LIG1: variants seen among roughly 807,000 people sequenced by gnomAD.
LIG1 encodes the protein ligase I, DNA, ATP-dependent.
A neutral mutation model predicts 115.7 loss-of-function variants in LIG1; 70 were observed. The observed-to-expected ratio is 0.60, with a 90% CI of 0.50 to 0.74. LIG1 has a LOEUF of 0.74. LIG1 is among the 30% of genes least tolerant of loss of function. The pLI is 0.00. For missense variants in LIG1, 1,115 were observed against 1,225.6 expected (o/e 0.91, Z 1.35); for synonymous variants, 487 against 495.3 (o/e 0.98, Z 0.22).
Position 48,140,138 on chromosome 19 carries a change from C to T in LIG1, c.920G>A (p.Arg307Gln), listed in dbSNP as rs1449664966. 31 of 1,562,340 alleles carry T rather than the reference C, an allele frequency of 2.0e-5. No homozygotes were observed. The highest frequency in any genetic ancestry group is 8.2e-5 in the African/African-American group (6 of 73,316). Residue 307 changes from arginine (R) to glutamine (Q), a missense_variant, in exon 12 of 28, where the codon CGG becomes CAG. Transcript: ENST00000263274. ...CAAGTTGCTCAGCGTCTCCACCATC[C>T]GGAGCCTGGAGGAGGGGACGGGGGT... ...EKIEEVSARL[R>Q]MVETLSNLLR...
intron 25 of LIG1, chr19:48,118,469 T>C (rs2122294476): frequency 6.4e-6 from 1 of 156,666 alleles, no homozygotes; most frequent in South Asian, 1.9e-4. Context: ...CCTTCTGCCA[T>C]GACTGTGAGG....
At chr19:48,125,771 C>T (rs989188864) in intron 21 of LIG1, among the ~76,000 whole-genome samples, 8 of 151,798 alleles carry the variant, frequency 5.3e-5, no homozygotes, top group African/African-American at 1.2e-4. Context: ...GGGCAGATCA[C>T]GATGTCAGGA....
In LIG1 at chr19:48,137,534, G is replaced by A; in HGVS notation, c.1242C>T (p.Leu414=). The A allele has an allele frequency of 6.2e-7, 1 of 1,612,898 alleles. No individual in the cohort carries two copies. The highest frequency in any genetic ancestry group is 1.7e-4 in the Middle Eastern group (1 of 6,038). The change falls in exon 13 of 28, where the codon CTC becomes CTT. Residue 414 remains leucine, a synonymous_variant. Transcript: ENST00000263274. This position sits in a 1 kb window ranked among gnomAD's most constrained non-coding sequence, Gnocchi z 4.3. ...VFSKFRDIAR[L]TGSASTAKKI... ...CCGCCCCACTCACAGCACTGCCAGT[G>A]AGCCTGGCGATGTCGCGGAACTTGC...
At position 48,134,213 on chromosome 19, in the gene LIG1, T is replaced by C. The variant is rs770183904; in HGVS notation, c.1524-147A>G. Reference sequence around the variant, plus strand: ...ACCTGCCAAGCTCCTCTTGCCACCCTGTCTCTGTGCTCTCCCTTCGTGTCA... The same window carrying C: ...ACCTGCCAAGCTCCTCTTGCCACCCCGTCTCTGTGCTCTCCCTTCGTGTCA... On this transcript the variant is annotated intron_variant, in intron 16 of 27. Transcript: ENST00000263274. The C allele has an allele frequency of 5.8e-6, 4 of 689,134 alleles. No individual in the cohort carries two copies. The Admixed American group carries it at 8.9e-5, about 15-fold the overall frequency. The allele number at this position is 689,134 out of a possible 1,614,324, so 42.7% of individuals were successfully genotyped here.
chr19:48,154,350 TG>T, intron 5 of LIG1: 1 of 314,046 alleles, frequency 3.2e-6, no homozygotes, highest in South Asian at 2.9e-5. Flanking sequence ...CTCAGAAGTC[TG>T]GAAGTGGCAG....
At chr19:48,135,304 GTA>G (rs1369506696) in intron 16 of LIG1, among the ~76,000 whole-genome samples, 2 of 152,134 alleles carry the variant, frequency 1.3e-5, no homozygotes, top group Non-Finnish European at 2.9e-5. Flanking sequence ...TGTATTTTTA[GTA>G]GAGACAGGGT....
At chr19:48,121,461 G>T in intron 23 of LIG1, 139 bp from the exon 24 acceptor site, 1 of 809,826 alleles carries the variant, frequency 1.2e-6, no homozygotes, top group Non-Finnish European at 1.8e-6. Context: ...CCCCAAGGAT[G>T]GCCCCTGGGA....
At chr19:48,125,094 C>G (rs1406094239) in intron 21 of LIG1, among the ~76,000 whole-genome samples, 1 of 151,618 alleles carries the variant, frequency 6.6e-6, no homozygotes, top group East Asian at 1.9e-4. Flanking sequence ...ATAGTTCATC[C>G]ATGTTCAACT....
chr19:48,133,378 T>G (rs2034169029), intron 17 of LIG1: 1 of 464,680 alleles, frequency 2.2e-6, no homozygotes, highest in Admixed American at 3.4e-5. Context: ...CTCCCTCCTC[T>G]GCGTCCCTCC....
intron 19 of LIG1, among the ~76,000 whole-genome samples, chr19:48,130,779 T>C (rs773222740): frequency 1.2e-4 from 18 of 152,186 alleles, no homozygotes; most frequent in Non-Finnish European, 1.9e-4. Flanking sequence ...GGGACAAGCA[T>C]TGGCACTAAA....
intron 18 of LIG1, among the ~76,000 whole-genome samples, 167 bp downstream of exon 18, chr19:48,132,815 A>AAAAAAAAAAAC (rs2034122765): frequency 7.0e-6 from 1 of 142,636 alleles, no homozygotes; most frequent in African/African-American, 2.5e-5. Context: ...AAAAAAAAAA[A>AAAAAAAAAAAC]AAGAACACAC....
rs2032742330 is a variant in LIG1, at chr19:48,115,658, A to G, written c.2751T>C (p.Asp917=). ...QGEDSGSDPE[D]TY ...CTAGGAGGGCGAGGGCTTAGTAGGT[A>G]TCTTCAGGGTCAGAGCCTGAGTCCT... Residue 917 remains aspartate (D), a synonymous_variant, in exon 28 of 28, where the codon GAT becomes GAC. Coordinates refer to ENST00000263274, the MANE Select transcript of LIG1 (RefSeq NM_000234.3). 1.9e-6 allele frequency: 3 copies of G among 1,613,258 alleles called. No individual in the cohort carries two copies. The highest frequency in any genetic ancestry group is 2.5e-6 in the Non-Finnish European group (3 of 1,179,182).
At chr19:48,147,841 A>T (rs1476560488) in intron 9 of LIG1, among the ~76,000 whole-genome samples, 2 of 152,060 alleles carry the variant, frequency 1.3e-5, no homozygotes, top group African/African-American at 4.8e-5. Context: ...AAAAATCTGA[A>T]AGTGCTCATT....
Position 48,162,288 on chromosome 19 carries a change from G to A in LIG1, c.81C>T (p.Ser27=), listed in dbSNP as rs1393730969. The A allele has an allele frequency of 2.5e-6, 4 of 1,614,040 alleles. No individual in the cohort carries two copies. The highest frequency in any genetic ancestry group is 3.4e-6 in the Non-Finnish European group (4 of 1,179,936). Residue 27 remains serine (S), a synonymous_variant, in exon 3 of 28, where the codon AGC becomes AGT. Transcript: ENST00000263274. ...AKKPEKEASN[S]SRETEPPPKA... The stretch of plus-strand genomic sequence containing the variant: ...TTGGAGGGGGCTCCGTCTCTCTGCT[G>A]CTATTGGATGCCTCCTTCTCAGGCT...
intron 26 of LIG1, among the ~76,000 whole-genome samples, chr19:48,117,340 G>A (rs1431253101): frequency 6.7e-5 from 10 of 149,346 alleles, no homozygotes; most frequent in African/African-American, 2.5e-4. Flanking sequence ...TTGTATTTTT[G>A]GTAGAGATGG....
At position 48,121,334 on chromosome 19, in the gene LIG1, G is replaced by C; in HGVS notation, c.2233-12C>G. On this transcript the variant is annotated splice_polypyrimidine_tract_variant and intron_variant, in intron 23 of 27. Coordinates refer to ENST00000263274, the MANE Select transcript of LIG1 (RefSeq NM_000234.3). ...TAGTCCTTCTTCAGCTGGGAGAAGG[G>C]GAGGCAAGAGATGAGAAGGGGGAGC... is the stretch of plus-strand genomic sequence containing the variant. 6.3e-7 allele frequency: 1 copy of C among 1,590,946 alleles called. No individual in the cohort carries two copies. The highest frequency in any genetic ancestry group is 1.1e-5 in the South Asian group (1 of 89,416).
intron 21 of LIG1, among the ~76,000 whole-genome samples, chr19:48,125,987 CAAAA>C (rs56362940): frequency 3.8e-5 from 4 of 105,872 alleles, no homozygotes; most frequent in Non-Finnish European, 3.8e-5. Context: ...GACTCCATCT[CAAAA>C]AAAAAAAAAA....
intron 9 of LIG1, among the ~76,000 whole-genome samples, chr19:48,145,174 T>TAG (rs1410178499): frequency 6.6e-6 from 1 of 152,166 alleles, no homozygotes; most frequent in Non-Finnish European, 1.5e-5. Flanking sequence ...CCTGGGATTA[T>TAG]AGGCATGAGC....
At chr19:48,150,479 C>T (rs2035402252) in intron 7 of LIG1, among the ~76,000 whole-genome samples, 1 of 151,900 alleles carries the variant, frequency 6.6e-6, no homozygotes, top group Admixed American at 6.6e-5. Flanking sequence ...GAAAATATTC[C>T]CACTCCTCCC....
Sources: allele counts gnomAD v4.1 joint callset (sites outside exome capture counted in the v4.1 genomes callset), GRCh38; gene constraint gnomAD v4.1.1; non-coding constraint Gnocchi (gnomAD v3.1); transcripts MANE v1.5; gene names NCBI Gene and HGNC (gene_info 2026-07-23, HGNC 2026-07-21).